Variants in ARNT2 observed in about 807,000 individuals in gnomAD.
The protein encoded by ARNT2 is aryl hydrocarbon receptor nuclear translocator 2.
A neutral mutation model predicts 91.7 loss-of-function variants in ARNT2; 36 were observed. The observed-to-expected ratio is 0.39, with a 90% CI of 0.30 to 0.52. The LOEUF is 0.52. Among genes scored for constraint, ARNT2 ranks in the 20% least tolerant of loss-of-function variants. The pLI is 0.72. For synonymous variants in ARNT2, 365 were observed against 347.1 expected (o/e 1.05, Z -0.57); for missense variants, 775 against 939.3 (o/e 0.83, Z 2.29).
intron 1 of ARNT2, among the ~76,000 whole-genome samples, chr15:80,441,601 C>T (rs1595963471): frequency 6.6e-6 from 1 of 152,186 alleles, no homozygotes; most frequent in African/African-American, 2.4e-5. Context: ...ATGTAAAGAT[C>T]AGGGGATATT....
At chr15:80,519,860 ATTTT>A (rs539637778) in intron 8 of ARNT2, among the ~76,000 whole-genome samples, 1 of 119,282 alleles carries the variant, frequency 8.4e-6, no homozygotes, top group Admixed American at 8.8e-5. Flanking sequence ...AATTTTTTGT[ATTTT>A]TTTTTTTTTT....
rs77013315 is a variant in ARNT2, at chr15:80,575,894, C to T, written c.1513+784C>T. Among the ~76,000 whole-genome samples the T allele has an allele frequency of 3.0e-3, 457 of 152,306 alleles. 6 individuals are homozygous for T. The highest frequency in any genetic ancestry group is 9.7e-3 in the African/African-American group (405 of 41,560). ...ATTCACGCCTTGAGCCCTCCCTCGC[C>T]GGCTCATGACTTTGGACAAGCTACA... On this transcript the variant is annotated intron_variant, in intron 14 of 18. Coordinates refer to ENST00000303329, the MANE Select transcript of ARNT2 (RefSeq NM_014862.4).
intron 15 of ARNT2, 144 bp downstream of exon 15, chr15:80,577,109 G>T: frequency 2.6e-6 from 2 of 758,038 alleles, no homozygotes; most frequent in East Asian, 2.7e-5. Context: ...GAGGATTCTG[G>T]TGGCTCTGCT....
chr15:80,593,868 A>T lies in ARNT2; in HGVS notation c.*170A>T. Reference sequence around the variant, plus strand: ...GCATCATTGCTCCACTCTCCCCTGCAGCCGCGGCTGCTCGGCCACTGACCA... The same window carrying T: ...GCATCATTGCTCCACTCTCCCCTGCTGCCGCGGCTGCTCGGCCACTGACCA... On this transcript the variant is annotated 3_prime_UTR_variant, in exon 19 of 19. Transcript: ENST00000303329. 1 of 612,954 alleles carries T rather than the reference A, an allele frequency of 1.6e-6. No individual in the cohort carries two copies. Among genetic ancestry groups the T allele is most frequent in the Admixed American group, 2.8e-5 (1 of 35,240 alleles). 38.0% of individuals were successfully genotyped at this position (612,954 alleles called of 1,614,324 possible).
At chr15:80,532,441 C>T (rs1897754972) in intron 8 of ARNT2, among the ~76,000 whole-genome samples, 1 of 152,112 alleles carries the variant, frequency 6.6e-6, no homozygotes. Context: ...TAGCCTATGT[C>T]CCTGACCTTC....
chr15:80,524,835 A>C (rs955577056), intron 8 of ARNT2, among the ~76,000 whole-genome samples: 4 of 151,494 alleles, frequency 2.6e-5, no homozygotes, highest in African/African-American at 9.7e-5. Flanking sequence ...AGATTGCGCC[A>C]TTGCACTCCA....
chr15:80,467,406 G>A (rs760585518), intron 3 of ARNT2, among the ~76,000 whole-genome samples: 2 of 152,232 alleles, frequency 1.3e-5, no homozygotes, highest in South Asian at 4.1e-4. Context: ...ATACTGATGG[G>A]TGGGGAGCAG....
intron 8 of ARNT2, 85 bp from the exon 9 acceptor site, chr15:80,551,113 AT>A: frequency 7.4e-7 from 1 of 1,353,382 alleles, no homozygotes. Flanking sequence ...TGTATTTTCG[AT>A]TGCTTAAATA....
intron 17 of ARNT2, among the ~76,000 whole-genome samples, chr15:80,581,978 G>A (rs992267225): frequency 1.3e-5 from 2 of 152,174 alleles, no homozygotes; most frequent in African/African-American, 4.8e-5. Context: ...CTCCACGTCA[G>A]GACAAGCTCA....
At chr15:80,565,167 T>C (rs1898455440) in intron 12 of ARNT2, among the ~76,000 whole-genome samples, 1 of 152,176 alleles carries the variant, frequency 6.6e-6, no homozygotes, top group Non-Finnish European at 1.5e-5. Flanking sequence ...TCAGGCAATC[T>C]GCCTGCTTTG....
chr15:80,549,401 A>G (rs535077597), intron 8 of ARNT2, among the ~76,000 whole-genome samples: 3 of 152,312 alleles, frequency 2.0e-5, no homozygotes, highest in African/African-American at 7.2e-5. Flanking sequence ...AAATTTTTAA[A>G]TCACCACAAA....
In ARNT2 at chr15:80,580,521, C is replaced by T; in HGVS notation, c.1724C>T (p.Thr575Ile). The T allele has an allele frequency of 2.5e-6, 4 of 1,614,140 alleles. No individual in the cohort carries two copies. Among genetic ancestry groups the T allele is most frequent in the Non-Finnish European group, 3.4e-6 (4 of 1,180,022 alleles). Residue 575 changes from threonine to isoleucine, a missense_variant, in exon 16 of 19, where the codon ACA becomes ATA. By Grantham distance (89) the Thr-to-Ile change is moderately conservative. This residue lies in a region of ARNT2 where 325 missense variants were observed against 359.9 expected (regional missense o/e 0.90). Coordinates refer to ENST00000303329, the MANE Select transcript of ARNT2 (RefSeq NM_014862.4). ...RQLNQSQVAW[T>I]GSRPPFPGQQ... Reference sequence around the variant, plus strand: ...CTAAACCAGAGTCAGGTGGCATGGACAGGGAGTCGTCCGCCCTTTCCGGGA... The same window carrying T: ...CTAAACCAGAGTCAGGTGGCATGGATAGGGAGTCGTCCGCCCTTTCCGGGA...
At chr15:80,550,621 T>C (rs1490228185) in intron 8 of ARNT2, among the ~76,000 whole-genome samples, 1 of 152,160 alleles carries the variant, frequency 6.6e-6, no homozygotes, top group Admixed American at 6.5e-5. Flanking sequence ...GTGAGGATTG[T>C]TTTAACCAGT....
chr15:80,590,280 A>T (rs1358246052), intron 17 of ARNT2, among the ~76,000 whole-genome samples: 1 of 152,182 alleles, frequency 6.6e-6, no homozygotes, highest in East Asian at 1.9e-4. Context: ...GTACTGAATG[A>T]TTTGAAACAA....
intron 1 of ARNT2, among the ~76,000 whole-genome samples, chr15:80,421,225 G>C (rs28752092): frequency 0.75 from 114,716 of 151,982 alleles, 43,582 homozygotes; most frequent in East Asian, 0.8. Flanking sequence ...GGCATACAGG[G>C]TAGTATAATG....
At chr15:80,561,952 T>C (rs1401640006) in intron 11 of ARNT2, among the ~76,000 whole-genome samples, 1 of 152,234 alleles carries the variant, frequency 6.6e-6, no homozygotes, top group Non-Finnish European at 1.5e-5. Flanking sequence ...TGTGTATATA[T>C]AGGAAACAGC....
rs1332978685 is a variant in ARNT2 at position 80,404,567 on chromosome 15, C to A, written c.31+21C>A. On this transcript the variant is annotated intron_variant, in intron 1 of 18. Coordinates refer to ENST00000303329, the MANE Select transcript of ARNT2 (RefSeq NM_014862.4). This position sits in a 1 kb window ranked among gnomAD's most constrained non-coding sequence, Gnocchi z 5.5. ...TCCGGGTGAGTAGCGGCCTGGGCCC[C>A]GCCGCCCGCCGCAGCCCGCAGGCCT... 9.1e-7 allele frequency: 1 copy of A among 1,094,764 alleles called. No individual in the cohort carries two copies. Among genetic ancestry groups the A allele is most frequent in the Non-Finnish European group, 1.1e-6 (1 of 896,128 alleles). The allele number at this position is 1,094,764 out of a possible 1,614,324, so 67.8% of individuals were successfully genotyped here.
intron 1 of ARNT2, among the ~76,000 whole-genome samples, chr15:80,414,842 A>G (rs1183611166): frequency 6.6e-6 from 1 of 150,828 alleles, no homozygotes; most frequent in Non-Finnish European, 1.5e-5. Flanking sequence ...GAACACTTCT[A>G]TTCCCTGCAC....
At chr15:80,511,943 G>T (rs1355996427) in intron 6 of ARNT2, among the ~76,000 whole-genome samples, 1 of 152,190 alleles carries the variant, frequency 6.6e-6, no homozygotes, top group African/African-American at 2.4e-5. Context: ...CTCAGAGAGA[G>T]AACCAGCAGG....
Sources: allele counts gnomAD v4.1 joint callset (sites outside exome capture counted in the v4.1 genomes callset), GRCh38; gene constraint gnomAD v4.1.1; regional missense constraint gnomAD v4.1.1; non-coding constraint Gnocchi (gnomAD v3.1); transcripts MANE v1.5; gene names NCBI Gene and HGNC (gene_info 2026-07-23, HGNC 2026-07-21).